CCDC32: variants seen among roughly 807,000 people sequenced by gnomAD.
CCDC32 encodes the protein coiled-coil domain containing 32.
Under a neutral mutation model 20.1 loss-of-function variants are expected in CCDC32, and 9 were observed. The ratio of observed to expected loss-of-function variants is 0.45; its 90% confidence interval spans 0.27 to 0.78. CCDC32 has a LOEUF of 0.78. CCDC32 is among the 30% of genes least tolerant of loss of function. The probability of loss-of-function intolerance (pLI) is 0.16; values close to 1 mark genes in which losing one functional copy is unlikely to be tolerated. For synonymous variants in CCDC32, 63 were observed against 79.0 expected (o/e 0.80, Z 1.07); for missense variants, 204 against 215.5 (o/e 0.95, Z 0.33).
exon 4 of CCDC32, chr15:40,539,270 G>C: frequency 6.5e-7 from 1 of 1,535,534 alleles, no homozygotes; most frequent in Non-Finnish European, 8.7e-7. Context: ...AATGTCCTTC[G>C]CCACCTCTGC....
intron 3 of CCDC32, among the ~76,000 whole-genome samples, chr15:40,555,782 T>C (rs1326131908): frequency 6.6e-6 from 1 of 152,250 alleles, no homozygotes; most frequent in African/African-American, 2.4e-5. Context: ...TCTTCTGATA[T>C]GATGGGATTC....
chr15:40,546,657 T>G (rs1242017834), intron 3 of CCDC32, among the ~76,000 whole-genome samples: 1 of 152,152 alleles, frequency 6.6e-6, no homozygotes, highest in Non-Finnish European at 1.5e-5. Flanking sequence ...TTGATTCATC[T>G]TCTGATAATG....
chr15:40,545,637 G>A (rs554173561), intron 3 of CCDC32, among the ~76,000 whole-genome samples: 2 of 152,278 alleles, frequency 1.3e-5, no homozygotes, highest in African/African-American at 2.4e-5. Context: ...GCCCACTACT[G>A]TTCCACTTTG....
downstream of CCDC32, chr15:40,535,000 C>T (rs57134155): frequency 0.01 from 7,389 of 703,934 alleles, 398 homozygotes; most frequent in African/African-American, 0.12. Flanking sequence ...TTGATCTTCC[C>T]GAGCCCATGC....
rs1260379791 is a variant in CCDC32, at chr15:40,545,873, C to T, written c.402-6518G>A. ...CATATCCACTTCTCTCTAGCCTTGCCGCCACACCTCATTCATGTAACTATC... is the reference window on the plus strand; with the variant it reads ...CATATCCACTTCTCTCTAGCCTTGCTGCCACACCTCATTCATGTAACTATC... On this transcript the variant is annotated intron_variant, in intron 3 of 3. Coordinates refer to the CCDC32 transcript ENST00000558113. Among the ~76,000 whole-genome samples the T allele has an allele frequency of 4.6e-5, 7 of 152,166 alleles. No individual in the cohort carries two copies. The South Asian group carries it at 8.3e-4, about 18-fold the overall frequency.
intron 3 of CCDC32, chr15:40,556,837 CAA>C (rs10647113): frequency 4.0e-4 from 45 of 111,118 alleles, no homozygotes; most frequent in Non-Finnish European, 6.3e-4. Context: ...GATTCCATCT[CAA>C]AAAAAAAAAA....
At chr15:40,543,688 C>T (rs1889496742) in intron 3 of CCDC32, among the ~76,000 whole-genome samples, 1 of 152,166 alleles carries the variant, frequency 6.6e-6, no homozygotes, top group Non-Finnish European at 1.5e-5. Flanking sequence ...CTCCTAACCT[C>T]GTGATCCACC....
At chr15:40,560,432 C>T (rs952977765) in intron 2 of CCDC32, among the ~76,000 whole-genome samples, 7 of 152,126 alleles carry the variant, frequency 4.6e-5, no homozygotes, top group Non-Finnish European at 8.8e-5. Flanking sequence ...AAACAGACAA[C>T]CCATGGAATG....
chr15:40,526,251 G>A (rs1222810788), downstream of CCDC32, among the ~76,000 whole-genome samples: 1 of 152,102 alleles, frequency 6.6e-6, no homozygotes, highest in African/African-American at 2.4e-5. Context: ...GTGTTGGGGG[G>A]TCATTTGTTT....
At chr15:40,525,471 T>C (rs570727189), downstream of CCDC32, among the ~76,000 whole-genome samples, 10 of 152,328 alleles carry the variant, frequency 6.6e-5, no homozygotes, top group Admixed American at 3.3e-4. Flanking sequence ...CTGAGCACTC[T>C]TCCTCTAAAG....
At chr15:40,563,136 T>A in intron 1 of CCDC32, 109 bp from the exon 2 acceptor site, 1 of 1,334,252 alleles carries the variant, frequency 7.5e-7, no homozygotes, top group Non-Finnish European at 1.0e-6. Flanking sequence ...GCCGAGGCAG[T>A]CAGATCATTT....
In CCDC32 at chr15:40,563,029, T is replaced by C. The variant is rs1464977948; in HGVS notation, c.-12-2A>G. 6.2e-7 allele frequency: 1 copy of C among 1,612,792 alleles called. No individual in the cohort carries two copies. Among genetic ancestry groups the C allele is most frequent in the Non-Finnish European group, 8.5e-7 (1 of 1,179,650 alleles). ...AAACATTTTCATTTGGAATCTGAGC[T>C]ATAAAACAGAAGCTCAAGTGAGTAA... On this transcript the variant is annotated splice_acceptor_variant, in intron 1 of 3. Transcript: ENST00000416810. LOFTEE classifies it low-confidence loss of function (5UTR_SPLICE).
downstream of CCDC32, among the ~76,000 whole-genome samples, chr15:40,533,596 A>G (rs561887345): frequency 1.9e-4 from 29 of 152,096 alleles, no homozygotes; most frequent in East Asian, 5.6e-3. Context: ...CACCCACCTC[A>G]GCTCCCAAAG....
intron 2 of CCDC32, among the ~76,000 whole-genome samples, chr15:40,562,523 T>C (rs1890714083): frequency 6.6e-6 from 1 of 152,050 alleles, no homozygotes; most frequent in Admixed American, 6.6e-5. Context: ...GAGGTTGCCA[T>C]GAGCTAAGAT....
At chr15:40,534,832 A>G (rs1889039521), downstream of CCDC32, 2 of 699,434 alleles carry the variant, frequency 2.9e-6, no homozygotes, top group Non-Finnish European at 5.2e-6. Context: ...TTAGTGTTTC[A>G]ACATGTATAT....
chr15:40,554,017 T>C lies in CCDC32; in HGVS notation c.512A>G (p.Glu171Gly). ...CTTGTCCCCGGCTGCTGGCTCGTCC[T>C]CGGCCACTGGCTTCTCAACCTGTGA... ...PESQVEKPVA[E>G]DEPAAGDKPA... The change falls in exon 4 of 4, where the codon GAG (glutamate) becomes GGG (glycine). Residue 171 changes from glutamate to glycine, a missense_variant. Physicochemically the swap from Glu to Gly is moderately conservative, Grantham distance 98. Coordinates refer to ENST00000416810, the MANE Select transcript of CCDC32 (RefSeq NM_001080792.4). 1 of 1,612,960 alleles carries C rather than the reference T, an allele frequency of 6.2e-7. No homozygotes were observed.
downstream of CCDC32, among the ~76,000 whole-genome samples, chr15:40,552,454 C>T (rs1261938856): frequency 3.2e-5 from 4 of 126,272 alleles, no homozygotes; most frequent in East Asian, 1.1e-3. Flanking sequence ...GCACTCGAGC[C>T]TGGGCAACAA....
At chr15:40,524,735 CTTTCTTTTTTTTTTTTTT>C (rs1348288273), downstream of CCDC32, among the ~76,000 whole-genome samples, 464 of 79,890 alleles carry the variant, frequency 5.8e-3, 5 homozygotes, top group African/African-American at 0.029. Flanking sequence ...TGTTCTTTTT[CTTTCTTTTTTTTTTTTTT>C]TTTTTTTTTT....
chr15:40,547,466 T>C (rs1250226770), intron 3 of CCDC32, among the ~76,000 whole-genome samples: 2 of 152,150 alleles, frequency 1.3e-5, no homozygotes, highest in African/African-American at 4.8e-5. Context: ...CTCTGCCTTA[T>C]ATGTGGTTCA....
Sources: allele counts gnomAD v4.1 joint callset (sites outside exome capture counted in the v4.1 genomes callset), GRCh38; gene constraint gnomAD v4.1.1; transcripts MANE v1.5; gene names NCBI Gene and HGNC (gene_info 2026-07-23, HGNC 2026-07-21).